Variants in DSE observed in about 807,000 individuals in gnomAD.
DSE encodes dermatan sulfate epimerase.
In DSE, 36 loss-of-function variants were observed where a neutral mutation model predicts 84.4. The ratio of observed to expected loss-of-function variants is 0.43; its 90% CI spans 0.33 to 0.56. The LOEUF (loss-of-function observed/expected upper bound fraction) is 0.56, where lower values mean the gene tolerates loss of function less well. DSE is among the 20% of genes least tolerant of loss of function. The pLI is 0.06. For synonymous variants in DSE, 410 were observed against 430.1 expected, an observed-to-expected ratio of 0.95 and a Z score of 0.58; for missense variants, 862 against 1,169.6, an observed-to-expected ratio of 0.74 and a Z score of 3.84.
intron 2 of DSE, among the ~76,000 whole-genome samples, chr6:116,363,446 C>T (rs1779013793): frequency 6.6e-6 from 1 of 151,996 alleles, no homozygotes; most frequent in South Asian, 2.1e-4. Flanking sequence ...TTAATCTGCC[C>T]ACCATGAACA....
At chr6:116,339,901 A>C (rs921732663) in intron 2 of DSE, among the ~76,000 whole-genome samples, 13 of 152,238 alleles carry the variant, frequency 8.5e-5, no homozygotes, top group Non-Finnish European at 1.5e-5. Flanking sequence ...AAACCCTATT[A>C]TAAGTTTTGA....
chr6:116,267,688 T>C (rs960981874), intron 2 of DSE, among the ~76,000 whole-genome samples: 1 of 152,282 alleles, frequency 6.6e-6, no homozygotes, highest in African/African-American at 2.4e-5. Context: ...TACAATAGCA[T>C]ATTAGTCCAT....
At chr6:116,278,996 A>G in intron 2 of DSE, 1 of 1,614,154 alleles carries the variant, frequency 6.2e-7, no homozygotes, top group Non-Finnish European at 8.5e-7. Flanking sequence ...GCAGTCATCC[A>G]GAAGCCCGGG....
chr6:116,408,506 T>C (rs2115017119), intron 2 of DSE, among the ~76,000 whole-genome samples: 1 of 152,328 alleles, frequency 6.6e-6, no homozygotes, highest in South Asian at 2.1e-4. Context: ...CTAAGCTTAC[T>C]GAGAGCAGAA....
At chr6:116,322,201 T>G (rs552561139) in intron 2 of DSE, among the ~76,000 whole-genome samples, 5,945 of 152,246 alleles carry the variant, frequency 0.039, 402 homozygotes, top group African/African-American at 0.13. Flanking sequence ...AGTGCATTTC[T>G]ATACAATGTC....
At chr6:116,264,929 G>GT (rs1772556902) in intron 2 of DSE, among the ~76,000 whole-genome samples, 1 of 152,138 alleles carries the variant, frequency 6.6e-6, no homozygotes, top group South Asian at 2.1e-4. Context: ...GCTCCTCAAG[G>GT]TTAGGAATTC....
intron 2 of DSE, among the ~76,000 whole-genome samples, chr6:116,404,388 CAT>C (rs1293354567): frequency 5.3e-5 from 8 of 152,174 alleles, no homozygotes; most frequent in Admixed American, 4.6e-4. Flanking sequence ...TGGTTGATAA[CAT>C]AGAATTATAC....
intron 2 of DSE, among the ~76,000 whole-genome samples, chr6:116,322,193 T>C (rs1333074610): frequency 6.7e-6 from 1 of 149,488 alleles, no homozygotes; most frequent in East Asian, 1.9e-4. Context: ...ATTTTCACAG[T>C]GCATTTCTAT....
At chr6:116,278,584 C>G in intron 2 of DSE, 1 of 1,614,188 alleles carries the variant, frequency 6.2e-7, no homozygotes, top group Admixed American at 1.7e-5. Context: ...ACGTCGGGCT[C>G]TACGGACTCC....
At chr6:116,328,337 C>A (rs1019473981) in intron 2 of DSE, among the ~76,000 whole-genome samples, 5 of 152,182 alleles carry the variant, frequency 3.3e-5, no homozygotes, top group Non-Finnish European at 5.9e-5. Context: ...ATTTGTTACA[C>A]TCTTTTGAGA....
intron 2 of DSE, chr6:116,278,558 G>C (rs908565433): frequency 2.5e-6 from 4 of 1,614,034 alleles, no homozygotes; most frequent in East Asian, 2.2e-5. Flanking sequence ...ATCTCTACAG[G>C]CTCCCTTAGC....
exon 2 of DSE, chr6:116,258,472 A>T: frequency 1.0e-6 from 1 of 974,926 alleles, no homozygotes; most frequent in Non-Finnish European, 1.7e-6. Context: ...AGACAGGTTT[A>T]TTGGGCAACA....
chr6:116,364,976 G>A (rs1472420116), intron 2 of DSE, among the ~76,000 whole-genome samples: 4 of 151,464 alleles, frequency 2.6e-5, no homozygotes, highest in East Asian at 4.0e-4. Context: ...TGGGATTACA[G>A]TGTGCGCCAC....
chr6:116,387,106 T>C (rs1333795725), intron 1 of DSE, among the ~76,000 whole-genome samples: 1 of 152,166 alleles, frequency 6.6e-6, no homozygotes, highest in East Asian at 1.9e-4. Context: ...GTAATCAGTG[T>C]CATGACTCAC....
At chr6:116,277,574 C>A (rs1040738491) in intron 2 of DSE, 1 of 152,206 alleles carries the variant, frequency 6.6e-6, no homozygotes, top group African/African-American at 2.4e-5. Context: ...AGGCCAACTT[C>A]TTTGCCTCTG....
At chr6:116,348,536 A>G (rs563059082) in intron 2 of DSE, among the ~76,000 whole-genome samples, 121 of 152,320 alleles carry the variant, frequency 7.9e-4, no homozygotes, top group Non-Finnish European at 1.3e-3. Context: ...GGGACTGTAA[A>G]GTAGTTCAAC....
rs772898380 is a variant in DSE at position 116,399,443 on chromosome 6, G to C, written c.193G>C (p.Glu65Gln). 3 of 1,614,084 alleles carry C rather than the reference G, an allele frequency of 1.9e-6. No homozygotes were observed. The highest frequency in any genetic ancestry group is 4.5e-5 in the East Asian group (2 of 44,894). Residue 65 changes from glutamate (E) to glutamine (Q), a missense_variant, in exon 2 of 6, where the codon GAG (glutamate) becomes CAG (glutamine). This residue lies in a region of DSE where 309 missense variants were observed against 516.9 expected (regional missense o/e 0.60). Transcript: ENST00000644252. ...ELQLRAASSHEHIAARLTEAV... is the reference protein window; with the variant it reads ...ELQLRAASSHQHIAARLTEAV... ...GCAGCTCAGGGCTGCCAGCTCGCACGAGCACATTGCAGCCCGCCTCACGGA... is the reference window on the plus strand; with the variant it reads ...GCAGCTCAGGGCTGCCAGCTCGCACCAGCACATTGCAGCCCGCCTCACGGA...
chr6:116,286,297 G>A (rs1374938381), intron 2 of DSE, among the ~76,000 whole-genome samples: 1 of 152,006 alleles, frequency 6.6e-6, no homozygotes, highest in Non-Finnish European at 1.5e-5. Context: ...TGAATGGAAG[G>A]TGAACTCACT....
At position 116,389,386 on chromosome 6, in the gene DSE, T is replaced by A. The variant is rs539622192; in HGVS notation, c.-53-9812T>A. On this transcript the variant is annotated intron_variant, in intron 1 of 5. Transcript: ENST00000644252. ...GAATGATAACTAGCTTTTTTTTTTT[T>A]AAACACTTACTATGAAGTGAGGGCT... 4.3e-3 allele frequency among the ~76,000 whole-genome samples: 658 copies of A among 151,888 alleles called. 3 individuals carry two copies. Among genetic ancestry groups the A allele is most frequent in the Middle Eastern group, 0.01 (3 of 294 alleles).
Sources: allele counts gnomAD v4.1 joint callset (sites outside exome capture counted in the v4.1 genomes callset), GRCh38; gene constraint gnomAD v4.1.1; regional missense constraint gnomAD v4.1.1; transcripts MANE v1.5; gene names NCBI Gene and HGNC (gene_info 2026-07-23, HGNC 2026-07-21).